Variants in TC2N observed in about 807,000 individuals in gnomAD.
The protein encoded by TC2N is tandem C2 domains nuclear protein.
TC2N carries 51 observed loss-of-function variants against 61.9 expected under a neutral mutation model. That is an observed-to-expected ratio of 0.82 (90% CI 0.66 to 1.04). The LOEUF (loss-of-function observed/expected upper bound fraction) is 1.04, where lower values mean the gene tolerates loss of function less well. Among genes scored for constraint, TC2N ranks in the 50% least tolerant of loss-of-function variants. TC2N has a pLI of 0.00. For missense variants in TC2N, 556 were observed against 566.7 expected (o/e 0.98, Z 0.19); for synonymous variants, 204 against 192.6 (o/e 1.06, Z -0.49).
intron 1 of TC2N, among the ~76,000 whole-genome samples, chr14:91,838,825 T>A (rs1888114207): frequency 6.6e-6 from 1 of 152,244 alleles, no homozygotes; most frequent in African/African-American, 2.4e-5. Flanking sequence ...CCAATTCCTT[T>A]GTTTTCCTTG....
At chr14:91,816,848 G>A (rs1887026460) in intron 1 of TC2N, among the ~76,000 whole-genome samples, 1 of 151,770 alleles carries the variant, frequency 6.6e-6, no homozygotes, top group Non-Finnish European at 1.5e-5. Flanking sequence ...GGTTTATTGT[G>A]TATTTTCTAT....
chr14:91,850,574 A>C (rs1888355841), intron 1 of TC2N, among the ~76,000 whole-genome samples: 2 of 152,200 alleles, frequency 1.3e-5, no homozygotes, highest in South Asian at 4.1e-4. Flanking sequence ...TTAGATTCTC[A>C]TAGGAGCACA....
At chr14:91,788,629 AAAC>A (rs1014560740) in intron 9 of TC2N, among the ~76,000 whole-genome samples, 5 of 152,284 alleles carry the variant, frequency 3.3e-5, no homozygotes, top group African/African-American at 7.2e-5. Flanking sequence ...TCATTGGGAA[AAAC>A]AACAACAACA....
In TC2N at chr14:91,837,098, G is replaced by A. The variant is rs1888055019; in HGVS notation, c.-56-23273C>T. 6.6e-6 allele frequency among the ~76,000 whole-genome samples: 1 copy of A among 152,210 alleles called. No individual in the cohort carries two copies. Among genetic ancestry groups the A allele is most frequent in the Non-Finnish European group, 1.5e-5 (1 of 68,042 alleles). ...CACCTCACACCCCCGATTCTATGAGGGATCCCCTCTAACCCTGGTAAAGCG... is the reference window on the plus strand; with the variant it reads ...CACCTCACACCCCCGATTCTATGAGAGATCCCCTCTAACCCTGGTAAAGCG... On this transcript the variant is annotated intron_variant, in intron 1 of 11. Transcript: ENST00000435962. This position sits in a 1 kb window ranked among gnomAD's most constrained non-coding sequence, Gnocchi z 4.2.
intron 1 of TC2N, among the ~76,000 whole-genome samples, chr14:91,823,129 C>T (rs760964986): frequency 3.9e-5 from 6 of 152,066 alleles, no homozygotes; most frequent in African/African-American, 1.4e-4. Context: ...ATCAATTAGA[C>T]CTCAATAAAC....
At chr14:91,807,559 G>C (rs1240206180) in intron 3 of TC2N, among the ~76,000 whole-genome samples, 1 of 152,216 alleles carries the variant, frequency 6.6e-6, no homozygotes, top group African/African-American at 2.4e-5. Context: ...GACTTGCATG[G>C]GGCCCTTAGC....
intron 11 of TC2N, 47 bp downstream of exon 11, chr14:91,785,115 T>C: frequency 7.4e-7 from 1 of 1,349,772 alleles, no homozygotes. Context: ...TAACTGACTG[T>C]TTAAATGCAT....
chr14:91,845,561 G>A (rs61990097), intron 1 of TC2N, among the ~76,000 whole-genome samples: 3 of 152,082 alleles, frequency 2.0e-5, no homozygotes, highest in Non-Finnish European at 4.4e-5. Flanking sequence ...AATTCTGATG[G>A]TTACAAGTAA....
chr14:91,865,215 T>C (rs1207209185), intron 1 of TC2N, among the ~76,000 whole-genome samples: 1 of 145,034 alleles, frequency 6.9e-6, no homozygotes, highest in African/African-American at 2.6e-5. Flanking sequence ...ATTTTCTCAC[T>C]TTAATGATTT....
chr14:91,823,531 A>AT (rs1887354665), intron 1 of TC2N, among the ~76,000 whole-genome samples: 2 of 5,322 alleles, frequency 3.8e-4, no homozygotes, highest in South Asian at 0.25. Flanking sequence ...AAAAAAAAAA[A>AT]AAAAGAAAAA....
chr14:91,830,931 CT>C (rs994986266), intron 1 of TC2N, among the ~76,000 whole-genome samples: 1 of 152,120 alleles, frequency 6.6e-6, no homozygotes, highest in Admixed American at 6.5e-5. Flanking sequence ...CATCACAGCC[CT>C]TTGTGGTCCC....
chr14:91,794,076 C>T (rs982234613), intron 8 of TC2N, among the ~76,000 whole-genome samples: 6 of 152,098 alleles, frequency 3.9e-5, no homozygotes, highest in Admixed American at 3.3e-4. Context: ...GAGAGAAAAT[C>T]AAATCAGCCA....
intron 9 of TC2N, 39 bp downstream of exon 9, chr14:91,792,328 A>G (rs1595224627): frequency 1.5e-6 from 2 of 1,376,108 alleles, no homozygotes; most frequent in South Asian, 1.8e-5. Flanking sequence ...AACTAATTCT[A>G]AAAGTATGAA....
chr14:91,798,284 A>T lies in TC2N; in HGVS notation c.738+15T>A. On this transcript the variant is annotated intron_variant, in intron 7 of 11. Transcript: ENST00000435962. ...AATTTTGTAATAAAAGCTGGTATTA[A>T]CTATACTAATTTACCTGTAAAACTG... The T allele has an allele frequency of 7.6e-7, 1 of 1,323,776 alleles. No homozygotes were observed. The highest frequency in any genetic ancestry group is 1.9e-4 in the Middle Eastern group (1 of 5,364). The allele number at this position is 1,323,776 out of a possible 1,614,324, so 82.0% of individuals were successfully genotyped here.
Position 91,786,298 on chromosome 14 carries a change from T to G in TC2N, c.1163-937A>C, listed in dbSNP as rs79101682. Among the ~76,000 whole-genome samples, 54 of 152,006 alleles carry G rather than the reference T, an allele frequency of 3.6e-4. No individual in the cohort carries two copies. The East Asian group carries it at 9.3e-3, about 26-fold the overall frequency. On this transcript the variant is annotated intron_variant, in intron 10 of 11. Coordinates refer to ENST00000435962, the MANE Select transcript of TC2N (RefSeq NM_001128596.3). ...TTATTTGCTCATTTTTCTTTTAGGA[T>G]TCTCCATCTATCTACACAGGTGACA...
chr14:91,845,335 G>C (rs1314176745), intron 1 of TC2N, among the ~76,000 whole-genome samples: 3 of 152,092 alleles, frequency 2.0e-5, no homozygotes, highest in Non-Finnish European at 2.9e-5. Context: ...CATTATCTAG[G>C]CATTACAGAT....
intron 1 of TC2N, among the ~76,000 whole-genome samples, chr14:91,824,044 G>C (rs1887383087): frequency 6.6e-6 from 1 of 152,156 alleles, no homozygotes; most frequent in Admixed American, 6.5e-5. Context: ...ATTATCATCA[G>C]ATCCCACTTA....
At chr14:91,803,719 G>C (rs1595237332) in intron 3 of TC2N, among the ~76,000 whole-genome samples, 1 of 152,134 alleles carries the variant, frequency 6.6e-6, no homozygotes, top group South Asian at 2.1e-4. Context: ...GCCTCCCAAA[G>C]TGCTGGGATT....
intron 1 of TC2N, among the ~76,000 whole-genome samples, chr14:91,864,282 C>T (rs1888651963): frequency 1.3e-5 from 2 of 152,264 alleles, no homozygotes; most frequent in Non-Finnish European, 2.9e-5. Context: ...CCTGGAATTT[C>T]CCTTGCAGGA....
Sources: gnomAD v4.1 joint callset for allele counts (sites outside exome capture counted in the v4.1 genomes callset) on GRCh38, gnomAD v4.1.1 for gene constraint, Gnocchi (gnomAD v3.1) non-coding constraint, MANE v1.5 for transcripts, NCBI Gene and HGNC (gene_info 2026-07-23, HGNC 2026-07-21) for gene names.